Variants in DNAJC3 observed in about 807,000 individuals in gnomAD.
DNAJC3 encodes the protein dnaJ homolog subfamily C member 3.
Under a neutral mutation model 68.6 loss-of-function variants are expected in DNAJC3, and 38 were observed. That is an observed-to-expected ratio of 0.55 (90% confidence interval 0.43 to 0.73). The LOEUF (loss-of-function observed/expected upper bound fraction) is 0.73. DNAJC3 is among the 30% of genes least tolerant of loss of function. The pLI, the probability that DNAJC3 is intolerant of heterozygous loss-of-function variation, is 0.00. For missense variants in DNAJC3, 526 were observed against 591.9 expected (o/e 0.89, Z 1.16); for synonymous variants, 203 against 204.0 (o/e 1.00, Z 0.04).
At chr13:95,683,770 C>CAA (rs373468364) in intron 1 of DNAJC3, among the ~76,000 whole-genome samples, 2 of 136,152 alleles carry the variant, frequency 1.5e-5, no homozygotes, top group Non-Finnish European at 1.6e-5. Context: ...ACTAAAAATA[C>CAA]AAAAAAAAAA....
chr13:95,786,418 C>G (rs1279145423), intron 10 of DNAJC3, among the ~76,000 whole-genome samples: 5 of 151,884 alleles, frequency 3.3e-5, no homozygotes, highest in African/African-American at 1.2e-4. Flanking sequence ...AAGAAAAAGC[C>G]TTCTCTAGGC....
At chr13:95,757,184 C>T (rs1267981501) in intron 4 of DNAJC3, among the ~76,000 whole-genome samples, 1 of 152,034 alleles carries the variant, frequency 6.6e-6, no homozygotes, top group African/African-American at 2.4e-5. Flanking sequence ...CTTACAACCT[C>T]TAAAAAAGCT....
intron 2 of DNAJC3, among the ~76,000 whole-genome samples, chr13:95,710,970 G>A (rs1317141796): frequency 6.6e-6 from 1 of 152,192 alleles, no homozygotes; most frequent in African/African-American, 2.4e-5. Context: ...GATTATAGGT[G>A]TGAGCTACCG....
At chr13:95,716,722 C>T (rs1016917143) in intron 2 of DNAJC3, among the ~76,000 whole-genome samples, 2 of 152,208 alleles carry the variant, frequency 1.3e-5, no homozygotes, top group Non-Finnish European at 1.5e-5. Context: ...GCATCCACGT[C>T]GTTCTGCCAT....
chr13:95,786,172 G>A, intron 10 of DNAJC3, 101 bp downstream of exon 10: 1 of 1,249,870 alleles, frequency 8.0e-7, no homozygotes, highest in Non-Finnish European at 1.1e-6. Flanking sequence ...CTTTACTTAT[G>A]TAATTTCAGT....
At chr13:95,760,845 G>T (rs1366592351) in intron 7 of DNAJC3, 47 bp downstream of exon 7, 2 of 1,588,984 alleles carry the variant, frequency 1.3e-6, no homozygotes, top group South Asian at 1.1e-5. Flanking sequence ...TTATGTGCGG[G>T]GCTGTGGGCA....
intron 2 of DNAJC3, among the ~76,000 whole-genome samples, chr13:95,723,028 G>A (rs182681602): frequency 1.2e-3 from 177 of 151,948 alleles, no homozygotes; most frequent in Non-Finnish European, 2.1e-3. Flanking sequence ...TCTGTAGGTC[G>A]GATGTGGCTT....
At chr13:95,698,222 A>G (rs1880499669) in intron 1 of DNAJC3, among the ~76,000 whole-genome samples, 1 of 151,960 alleles carries the variant, frequency 6.6e-6, no homozygotes, top group East Asian at 1.9e-4. Flanking sequence ...TTGTTGTGCA[A>G]TTCAACCTAC....
chr13:95,697,397 CT>C (rs1437205288), intron 1 of DNAJC3, among the ~76,000 whole-genome samples: 3 of 152,174 alleles, frequency 2.0e-5, no homozygotes, highest in African/African-American at 7.2e-5. Context: ...GAGAATTTCA[CT>C]CTTAATCTGA....
chr13:95,782,708 G>C (rs1883489588), intron 9 of DNAJC3, among the ~76,000 whole-genome samples: 1 of 152,186 alleles, frequency 6.6e-6, no homozygotes, highest in Non-Finnish European at 1.5e-5. Flanking sequence ...CCCTTTGTCA[G>C]ATGGATAGAT....
intron 9 of DNAJC3, among the ~76,000 whole-genome samples, chr13:95,773,471 CTTAT>C (rs1243706096): frequency 1.3e-5 from 2 of 151,462 alleles, no homozygotes; most frequent in Non-Finnish European, 2.9e-5. Context: ...TGCACCTGGC[CTTAT>C]TTAGTTTTAT....
At chr13:95,696,886 C>A (rs1403062250) in intron 1 of DNAJC3, among the ~76,000 whole-genome samples, 1 of 152,086 alleles carries the variant, frequency 6.6e-6, no homozygotes, top group Non-Finnish European at 1.5e-5. Context: ...GCTGGGACTA[C>A]AGGCGCCCAC....
At chr13:95,747,555 AAGG>A (rs1274698015) in intron 4 of DNAJC3, among the ~76,000 whole-genome samples, 1 of 152,208 alleles carries the variant, frequency 6.6e-6, no homozygotes. Context: ...TCGTGATTAT[AAGG>A]AGGACATTAT....
At chr13:95,771,350 G>A (rs1399646383) in intron 9 of DNAJC3, among the ~76,000 whole-genome samples, 1 of 152,166 alleles carries the variant, frequency 6.6e-6, no homozygotes, top group Non-Finnish European at 1.5e-5. Context: ...ATTCAAGGGG[G>A]ACTATGGTGA....
chr13:95,725,176 A>G lies in DNAJC3; in HGVS notation c.319-2A>G. On this transcript the variant is annotated splice_acceptor_variant, in intron 3 of 11. Coordinates refer to ENST00000602402, the MANE Select transcript of DNAJC3 (RefSeq NM_006260.5). LOFTEE classifies it high-confidence loss of function. The stretch of plus-strand genomic sequence containing the variant: ...ATAATCCTCTGCCCCCTTTTTTTCT[A>G]GGCAAGATTACAGAGAGGTCACTTA... 1 of 1,553,956 alleles carries G rather than the reference A, an allele frequency of 6.4e-7. No homozygotes were observed. Among genetic ancestry groups the G allele is most frequent in the Non-Finnish European group, 8.6e-7 (1 of 1,156,340 alleles).
chr13:95,777,891 T>C (rs992976214), intron 9 of DNAJC3, among the ~76,000 whole-genome samples: 3 of 152,240 alleles, frequency 2.0e-5, no homozygotes, highest in African/African-American at 4.8e-5. Flanking sequence ...TTTTCCTAGA[T>C]AGACCACGTG....
chr13:95,697,542 T>G lies in DNAJC3; in HGVS notation c.83-11685T>G, dbSNP rs567576134. Among the ~76,000 whole-genome samples, 5 of 152,314 alleles carry G rather than the reference T, an allele frequency of 3.3e-5. No homozygotes were observed. In the East Asian group the frequency reaches 9.6e-4, roughly 29 times the overall value. ...CCAGGTGCCCTGTGAATTTCTAATA[T>G]CTGGATGTCTGCATATCTAGCAAGA... On this transcript the variant is annotated intron_variant, in intron 1 of 11. Transcript: ENST00000602402.
intron 5 of DNAJC3, among the ~76,000 whole-genome samples, chr13:95,759,267 A>G (rs1396868976): frequency 6.6e-6 from 1 of 151,972 alleles, no homozygotes; most frequent in Non-Finnish European, 1.5e-5. Flanking sequence ...TCTTGATATG[A>G]GGATTTACTT....
rs1363351611 is a variant in DNAJC3, at chr13:95,792,261, G to GTCTT, written c.*1233_*1236dup. 6.6e-6 allele frequency: 1 copy of GTCTT among 152,208 alleles called. No homozygotes were observed. Among genetic ancestry groups the GTCTT allele is most frequent in the African/African-American group, 2.4e-5 (1 of 41,458 alleles). 9.4% of individuals were successfully genotyped at this position (152,208 alleles called of 1,614,324 possible). ...TACTATTTAAGAAGTGAACTATTCA[G>GTCTT]TCTTTGTATACTGAATGCTTTTTCC... is the stretch of plus-strand genomic sequence containing the variant. On this transcript the variant is annotated 3_prime_UTR_variant, in exon 12 of 12. Coordinates refer to ENST00000602402, the MANE Select transcript of DNAJC3 (RefSeq NM_006260.5).
Sources: gnomAD v4.1 joint callset for allele counts (sites outside exome capture counted in the v4.1 genomes callset) on GRCh38, gnomAD v4.1.1 for gene constraint, MANE v1.5 for transcripts, NCBI Gene and HGNC (gene_info 2026-07-23, HGNC 2026-07-21) for gene names.